RAD51B: variants seen among roughly 807,000 people sequenced by gnomAD.
The protein encoded by RAD51B is RAD51 paralog B, also known as DNA repair protein RAD51 homolog 2.
RAD51B carries 38 observed loss-of-function variants against 42.2 expected under a neutral mutation model. The ratio of observed to expected loss-of-function variants is 0.90; its 90% confidence interval spans 0.70 to 1.18. The LOEUF (loss-of-function observed/expected upper bound fraction) is 1.18. RAD51B is among the 50% of genes most tolerant of loss of function. The pLI, the probability that RAD51B is intolerant of heterozygous loss-of-function variation, is 0.00. For missense variants in RAD51B, 373 were observed against 400.7 expected, an observed-to-expected ratio of 0.93 and a Z score of 0.59; for synonymous variants, 154 against 145.2, an observed-to-expected ratio of 1.06 and a Z score of -0.43.
At chr14:68,301,029 A>C (rs1261122597) in intron 8 of RAD51B, among the ~76,000 whole-genome samples, 1 of 152,210 alleles carries the variant, frequency 6.6e-6, no homozygotes, top group Non-Finnish European at 1.5e-5. Flanking sequence ...TTTGTGGGTT[A>C]AAAGCAAATG....
At chr14:67,924,230 T>A (rs1363419520) in intron 7 of RAD51B, among the ~76,000 whole-genome samples, 1 of 152,224 alleles carries the variant, frequency 6.6e-6, no homozygotes, top group Non-Finnish European at 1.5e-5. Context: ...CTTTTTAGTT[T>A]AATTACGTCC....
At chr14:68,541,250 T>C (rs759988337) in intron 10 of RAD51B, 34 of 985,306 alleles carry the variant, frequency 3.5e-5, no homozygotes, top group African/African-American at 5.2e-5. Context: ...TTGACAGATA[T>C]TGGTTAAGTT....
intron 9 of RAD51B, among the ~76,000 whole-genome samples, chr14:68,413,164 ACTTTT>A (rs1391129332): frequency 6.6e-6 from 1 of 152,208 alleles, no homozygotes; most frequent in African/African-American, 2.4e-5. Context: ...CCATATTTTT[ACTTTT>A]CTTTTGTTTT....
intron 8 of RAD51B, among the ~76,000 whole-genome samples, chr14:68,367,287 C>T (rs998370762): frequency 6.6e-6 from 1 of 152,126 alleles, no homozygotes; most frequent in Non-Finnish European, 1.5e-5. Flanking sequence ...TATTCCCTTC[C>T]TTAGTCATAA....
chr14:68,314,790 G>A (rs1166347394), intron 8 of RAD51B, among the ~76,000 whole-genome samples: 1 of 152,182 alleles, frequency 6.6e-6, no homozygotes, highest in Non-Finnish European at 1.5e-5. Flanking sequence ...CTCCTGTAGA[G>A]CGTGCGACCA....
At chr14:67,926,558 CTTTTTTTTTTTT>C (rs534207569) in intron 7 of RAD51B, among the ~76,000 whole-genome samples, 6 of 85,126 alleles carry the variant, frequency 7.0e-5, no homozygotes, top group South Asian at 4.2e-4. Context: ...GATATGTTTC[CTTTTTTTTTTTT>C]TTTTTTTTTT....
intron 5 of RAD51B, among the ~76,000 whole-genome samples, chr14:67,873,820 C>A (rs1339744465): frequency 6.9e-6 from 1 of 145,900 alleles, no homozygotes; most frequent in African/African-American, 2.6e-5. Flanking sequence ...TCATCATTCT[C>A]AGTAAACTAT....
intron 7 of RAD51B, among the ~76,000 whole-genome samples, chr14:67,951,388 T>G (rs1173725959): frequency 6.6e-6 from 1 of 152,234 alleles, no homozygotes. Flanking sequence ...TAAATTTTTA[T>G]GAGCTTTTTC....
chr14:67,940,792 A>G (rs1425156762), intron 7 of RAD51B, among the ~76,000 whole-genome samples: 1 of 151,542 alleles, frequency 6.6e-6, no homozygotes, highest in Non-Finnish European at 1.5e-5. Context: ...GAAAAAAAAA[A>G]CACAGAAAAA....
intron 10 of RAD51B, among the ~76,000 whole-genome samples, chr14:68,586,114 G>C (rs1890458457): frequency 6.6e-6 from 1 of 152,064 alleles, no homozygotes; most frequent in South Asian, 2.1e-4. Flanking sequence ...ATCATTAAAG[G>C]CGGGTGAAAA....
At chr14:68,653,101 A>G (rs373596176) in intron 11 of RAD51B, among the ~76,000 whole-genome samples, 1 of 152,206 alleles carries the variant, frequency 6.6e-6, no homozygotes, top group Non-Finnish European at 1.5e-5. Flanking sequence ...CAACTTTCTT[A>G]AGTTCTAACT....
chr14:68,651,647 T>A (rs935276314), intron 11 of RAD51B, among the ~76,000 whole-genome samples: 1 of 152,224 alleles, frequency 6.6e-6, no homozygotes, highest in Non-Finnish European at 1.5e-5. Context: ...GTGACTTATA[T>A]GCTATTTGGA....
At chr14:68,576,350 C>T (rs1889961257) in intron 10 of RAD51B, among the ~76,000 whole-genome samples, 1 of 152,212 alleles carries the variant, frequency 6.6e-6, no homozygotes, top group African/African-American at 2.4e-5. Flanking sequence ...ACAGGGGACA[C>T]CTTCCTCCTT....
chr14:68,306,672 G>A (rs1305609666), intron 8 of RAD51B: 1 of 511,690 alleles, frequency 2.0e-6, no homozygotes, highest in Non-Finnish European at 3.9e-6. Flanking sequence ...AATGTACCTA[G>A]AGTTTGTGAC....
At chr14:68,139,800 C>T (rs1391544628) in intron 7 of RAD51B, among the ~76,000 whole-genome samples, 3 of 152,230 alleles carry the variant, frequency 2.0e-5, no homozygotes, top group African/African-American at 7.2e-5. Flanking sequence ...ATAGTAGTCA[C>T]AGGCTTTTTG....
chr14:68,676,544 G>A (rs562746111), intron 11 of RAD51B, among the ~76,000 whole-genome samples: 20 of 152,346 alleles, frequency 1.3e-4, no homozygotes, highest in Admixed American at 3.9e-4. Context: ...TTAGGGCTAC[G>A]TGACATGCCT....
intron 8 of RAD51B, among the ~76,000 whole-genome samples, chr14:68,346,770 A>G (rs189315456): frequency 6.6e-6 from 1 of 152,246 alleles, no homozygotes. Context: ...CTCCAGCCGT[A>G]TATCTCTGAA....
chr14:68,272,886 G>A (rs1212880854), intron 7 of RAD51B, among the ~76,000 whole-genome samples: 9 of 150,140 alleles, frequency 6.0e-5, no homozygotes, highest in Non-Finnish European at 8.9e-5. Context: ...GGGTTTCACC[G>A]TGTTAGCCAG....
intron 8 of RAD51B, among the ~76,000 whole-genome samples, chr14:68,371,120 G>A (rs568615079): frequency 6.7e-6 from 1 of 148,778 alleles, no homozygotes; most frequent in East Asian, 2.0e-4. Context: ...AAACAACTGA[G>A]AATGGTGTCA....
Sources: allele counts gnomAD v4.1 joint callset (sites outside exome capture counted in the v4.1 genomes callset), GRCh38; gene constraint gnomAD v4.1.1; transcripts MANE v1.5; gene names NCBI Gene and HGNC (gene_info 2026-07-23, HGNC 2026-07-21).